Variants in DYNC1I1 observed in about 807,000 individuals in gnomAD.
The protein encoded by DYNC1I1 is cytoplasmic dynein 1 intermediate chain 1.
Under a neutral mutation model 86.6 loss-of-function variants are expected in DYNC1I1, and 43 were observed. The ratio of observed to expected loss-of-function variants is 0.50; its 90% confidence interval spans 0.39 to 0.64. DYNC1I1 has a LOEUF of 0.64. Ranked by LOEUF, DYNC1I1 falls within the 30% of genes least tolerant of loss-of-function variation. The pLI, the probability that DYNC1I1 is intolerant of heterozygous loss-of-function variation, is 0.00. For missense variants in DYNC1I1, 604 were observed against 788.8 expected (o/e 0.77, Z 2.81); for synonymous variants, 262 against 283.7 (o/e 0.92, Z 0.77).
At chr7:96,007,042 T>C (rs1029963224) in intron 10 of DYNC1I1, among the ~76,000 whole-genome samples, 1 of 152,112 alleles carries the variant, frequency 6.6e-6, no homozygotes, top group Non-Finnish European at 1.5e-5. Flanking sequence ...CAAAAGCAAA[T>C]ACAAAGATTG....
intron 6 of DYNC1I1, among the ~76,000 whole-genome samples, chr7:95,884,895 A>C (rs2116241489): frequency 6.6e-6 from 1 of 152,278 alleles, no homozygotes; most frequent in South Asian, 2.1e-4. Flanking sequence ...AATCTACCTC[A>C]TAGGGCTGTC....
chr7:96,005,965 A>G (rs1794132090), intron 10 of DYNC1I1, among the ~76,000 whole-genome samples: 6 of 152,188 alleles, frequency 3.9e-5, no homozygotes, highest in Admixed American at 3.9e-4. Context: ...AAGGAGCTCC[A>G]CTATCAAAGT....
In DYNC1I1 at chr7:96,005,421, G is replaced by A. The variant is rs142208089; in HGVS notation, c.969+9348G>A. Among the ~76,000 whole-genome samples, 3 of 152,246 alleles carry A rather than the reference G, an allele frequency of 2.0e-5. No homozygotes were observed. The East Asian group carries it at 5.8e-4, about 29-fold the overall frequency. On this transcript the variant is annotated intron_variant, in intron 10 of 16. Transcript: ENST00000447467. ...TAGTAAATTATTTTGCCTTCTCTGT[G>A]ATTTTTCATCTTGGGTGGGCGCTCT...
intron 14 of DYNC1I1, among the ~76,000 whole-genome samples, chr7:96,053,953 G>A (rs1789486509): frequency 6.6e-6 from 1 of 152,000 alleles, no homozygotes; most frequent in Non-Finnish European, 1.5e-5. Context: ...ATTTTGTAGT[G>A]GAAAAATATA....
At position 95,813,600 on chromosome 7, in the gene DYNC1I1, C is replaced by T. The variant is rs139911150; in HGVS notation, c.314+263C>T. ...CTTGCTTAACAAACACACACATATC[C>T]ATTAGCTTAGGCTTAAAAAAGGCAG... On this transcript the variant is annotated intron_variant, in intron 4 of 16. Coordinates refer to ENST00000447467, the MANE Select transcript of DYNC1I1 (RefSeq NM_001135556.2). Among the ~76,000 whole-genome samples the T allele has an allele frequency of 1.8e-4, 28 of 152,162 alleles. 1 individual carries two copies. In the South Asian group the frequency reaches 1.9e-3, roughly 10 times the overall value.
At chr7:96,042,920 G>A (rs1789095271) in intron 14 of DYNC1I1, among the ~76,000 whole-genome samples, 1 of 152,112 alleles carries the variant, frequency 6.6e-6, no homozygotes, top group African/African-American at 2.4e-5. Flanking sequence ...CCAGCACTTT[G>A]GGAGGCTGAG....
intron 6 of DYNC1I1, among the ~76,000 whole-genome samples, chr7:95,948,172 C>A (rs750230993): frequency 2.0e-5 from 3 of 152,100 alleles, no homozygotes; most frequent in Non-Finnish European, 4.4e-5. Flanking sequence ...GTTTCGAGGG[C>A]GTTGGATGTT....
At chr7:96,101,101 A>G (rs1791128837), downstream of DYNC1I1, among the ~76,000 whole-genome samples, 1 of 152,148 alleles carries the variant, frequency 6.6e-6, no homozygotes, top group South Asian at 2.1e-4. Flanking sequence ...AGGTGGTGGC[A>G]GTTAACCACC....
In DYNC1I1 at chr7:95,964,506, A is replaced by G. The variant is rs551769410; in HGVS notation, c.491-13006A>G. On this transcript the variant is annotated intron_variant, in intron 6 of 16. Transcript: ENST00000447467. The stretch of plus-strand genomic sequence containing the variant: ...TCATGTTATCACCCAACAAACATTC[A>G]TTGCCATCTCCCATATGCCCAGCCC... Among the ~76,000 whole-genome samples the G allele has an allele frequency of 4.3e-4, 66 of 152,276 alleles. 1 individual carries two copies. Among genetic ancestry groups the G allele is most frequent in the Middle Eastern group, 3.4e-3 (1 of 294 alleles).
chr7:95,888,277 A>G (rs977948521), intron 6 of DYNC1I1, among the ~76,000 whole-genome samples: 4 of 152,158 alleles, frequency 2.6e-5, no homozygotes, highest in East Asian at 1.9e-4. Context: ...CTCCACAAAA[A>G]GTACAAAAAT....
chr7:96,034,421 C>T (rs983963125), intron 12 of DYNC1I1, among the ~76,000 whole-genome samples: 1 of 152,034 alleles, frequency 6.6e-6, no homozygotes, highest in Non-Finnish European at 1.5e-5. Context: ...GCTCTAAGTC[C>T]GTTTGTATTA....
At chr7:96,031,043 C>T (rs747833262) in intron 11 of DYNC1I1, among the ~76,000 whole-genome samples, 25 of 152,000 alleles carry the variant, frequency 1.6e-4, no homozygotes, top group African/African-American at 2.4e-4. Flanking sequence ...TCCATCAGCA[C>T]GGGGGAAAGA....
At chr7:95,814,750 G>T (rs62469569) in intron 4 of DYNC1I1, among the ~76,000 whole-genome samples, 2 of 151,568 alleles carry the variant, frequency 1.3e-5, no homozygotes, top group Admixed American at 1.3e-4. Flanking sequence ...TTTTGTTTTC[G>T]TAGGCCCTTT....
intron 6 of DYNC1I1, among the ~76,000 whole-genome samples, chr7:95,878,030 A>G (rs1007913357): frequency 1.3e-5 from 2 of 152,224 alleles, no homozygotes; most frequent in African/African-American, 4.8e-5. Flanking sequence ...AACAGATTTC[A>G]CCAAAATAGC....
intron 6 of DYNC1I1, among the ~76,000 whole-genome samples, chr7:95,948,173 G>A (rs760174827): frequency 2.1e-4 from 32 of 152,270 alleles, no homozygotes; most frequent in Non-Finnish European, 3.8e-4. Flanking sequence ...TTTCGAGGGC[G>A]TTGGATGTTT....
intron 1 of DYNC1I1, among the ~76,000 whole-genome samples, chr7:95,774,278 C>A (rs1326290990): frequency 1.3e-5 from 2 of 152,098 alleles, no homozygotes; most frequent in Non-Finnish European, 2.9e-5. Flanking sequence ...AGCATCTCAG[C>A]ATTTTACTTT....
intron 14 of DYNC1I1, among the ~76,000 whole-genome samples, chr7:96,052,234 A>C (rs1789423059): frequency 6.6e-6 from 1 of 152,198 alleles, no homozygotes; most frequent in Admixed American, 6.6e-5. Context: ...TCATAGCCAT[A>C]ATTTAGAAAT....
At chr7:95,943,396 A>G (rs1248034522) in intron 6 of DYNC1I1, among the ~76,000 whole-genome samples, 1 of 151,928 alleles carries the variant, frequency 6.6e-6, no homozygotes, top group Admixed American at 6.6e-5. Context: ...ATGGAAGAAC[A>G]TTCCATGCTC....
chr7:96,005,390 A>G (rs551727921), intron 10 of DYNC1I1, among the ~76,000 whole-genome samples: 92 of 152,110 alleles, frequency 6.0e-4, no homozygotes, highest in African/African-American at 2.0e-3. Flanking sequence ...CTCCCAGTCC[A>G]CATTTTAGTA....
Sources: allele counts gnomAD v4.1 joint callset (sites outside exome capture counted in the v4.1 genomes callset), GRCh38; gene constraint gnomAD v4.1.1; transcripts MANE v1.5; gene names NCBI Gene and HGNC (gene_info 2026-07-23, HGNC 2026-07-21).